Variants in TMEM117 observed in about 807,000 individuals in gnomAD.
The protein encoded by TMEM117 is transmembrane protein 117.
In TMEM117, 27 loss-of-function variants were observed where a neutral mutation model predicts 52.4. That is an observed-to-expected ratio of 0.51 (90% CI 0.38 to 0.71). The LOEUF is 0.71. TMEM117 is among the 30% of genes least tolerant of loss of function. The pLI is 0.00. For missense variants in TMEM117, 556 were observed against 630.5 expected (o/e 0.88, Z 1.26); for synonymous variants, 215 against 206.3 (o/e 1.04, Z -0.36).
At chr12:43,809,859 A>G in the TMEM117 span, among the ~76,000 whole-genome samples, 2 of 152,214 alleles carry the variant, frequency 1.3e-5, no homozygotes, top group Non-Finnish European at 2.9e-5. Flanking sequence ...CACAATAAAC[A>G]CCTGACAAGA....
chr12:43,806,169 TC>T, the TMEM117 span: 1 of 1,536,680 alleles, frequency 6.5e-7, no homozygotes. Flanking sequence ...CTCCCGGCTC[TC>T]CCGGCTCTCC....
downstream of TMEM117, among the ~76,000 whole-genome samples, chr12:44,392,536 A>T (rs1158820487): frequency 6.6e-6 from 1 of 151,864 alleles, no homozygotes; most frequent in Non-Finnish European, 1.5e-5. Context: ...TTTTATTATT[A>T]TTATACTTTA....
At chr12:44,081,198 A>G (rs1947476532) in intron 3 of TMEM117, among the ~76,000 whole-genome samples, 4 of 152,230 alleles carry the variant, frequency 2.6e-5, no homozygotes, top group African/African-American at 9.6e-5. Flanking sequence ...TATTGGTACT[A>G]AAAGAATAAT....
At chr12:44,256,454 C>T (rs553330997) in intron 5 of TMEM117, among the ~76,000 whole-genome samples, 34 of 152,094 alleles carry the variant, frequency 2.2e-4, no homozygotes, top group African/African-American at 7.2e-4. Context: ...TTTCAGGTTT[C>T]ATCTCATTAT....
chr12:43,895,017 A>G (rs998583521), intron 2 of TMEM117, among the ~76,000 whole-genome samples: 1 of 152,142 alleles, frequency 6.6e-6, no homozygotes, highest in Non-Finnish European at 1.5e-5. Flanking sequence ...TTTTAAGTTC[A>G]GGGCTATAAG....
intron 3 of TMEM117, among the ~76,000 whole-genome samples, chr12:44,056,834 C>A (rs1252917395): frequency 6.6e-6 from 1 of 152,026 alleles, no homozygotes; most frequent in Non-Finnish European, 1.5e-5. Flanking sequence ...ATATATTAAC[C>A]TTATGGGACA....
chr12:44,299,167 G>C (rs182965323), intron 5 of TMEM117, among the ~76,000 whole-genome samples: 1 of 132,572 alleles, frequency 7.5e-6, no homozygotes, highest in African/African-American at 2.9e-5. Flanking sequence ...GTCTCGCTCT[G>C]TCACCCAGGC....
At position 44,255,360 on chromosome 12, in the gene TMEM117, A is replaced by C. The variant is rs12316117; in HGVS notation, c.608+43973A>C. 8.4e-3 allele frequency among the ~76,000 whole-genome samples: 1,277 copies of C among 152,284 alleles called. 22 individuals are homozygous for C. The highest frequency in any genetic ancestry group is 0.029 in the African/African-American group (1,190 of 41,566). ...ACTTCTCAAAAGAAGACATTTATGC[A>C]GCCAAAAAACACATGAAAAAATGCT... On this transcript the variant is annotated intron_variant, in intron 5 of 7. Coordinates refer to ENST00000266534, the MANE Select transcript of TMEM117 (RefSeq NM_032256.3).
intron 5 of TMEM117, among the ~76,000 whole-genome samples, chr12:44,212,917 GA>G (rs1211302581): frequency 1.3e-5 from 2 of 151,830 alleles, no homozygotes; most frequent in African/African-American, 4.8e-5. Flanking sequence ...GGAGATATAG[GA>G]CATGTTGAAC....
intron 5 of TMEM117, among the ~76,000 whole-genome samples, chr12:44,216,403 C>T (rs1002640236): frequency 2.6e-5 from 4 of 152,056 alleles, no homozygotes; most frequent in Non-Finnish European, 5.9e-5. Context: ...AAACAAGCAT[C>T]CTTGATAACA....
chr12:44,398,189 C>T, the TMEM117 span, among the ~76,000 whole-genome samples: 1 of 150,722 alleles, frequency 6.6e-6, no homozygotes, highest in Admixed American at 6.7e-5. Context: ...TTGAAGAAAA[C>T]AGGAGCAAGA....
At chr12:44,187,873 T>G (rs1481037028) in intron 4 of TMEM117, among the ~76,000 whole-genome samples, 1 of 152,138 alleles carries the variant, frequency 6.6e-6, no homozygotes, top group East Asian at 1.9e-4. Context: ...TACTTACCAT[T>G]GATCTATCTA....
intron 3 of TMEM117, among the ~76,000 whole-genome samples, chr12:44,005,549 C>T (rs1361541052): frequency 6.6e-6 from 1 of 152,220 alleles, no homozygotes. Flanking sequence ...TCTGACACTT[C>T]AGGATGTTTC....
At chr12:44,261,280 C>T (rs1227630217) in intron 5 of TMEM117, among the ~76,000 whole-genome samples, 3 of 151,512 alleles carry the variant, frequency 2.0e-5, no homozygotes, top group Non-Finnish European at 2.9e-5. Context: ...AGGTAAATAG[C>T]TTGCTTTTAT....
intron 6 of TMEM117, among the ~76,000 whole-genome samples, chr12:44,311,855 A>G (rs1306966289): frequency 8.2e-6 from 1 of 121,630 alleles, no homozygotes; most frequent in African/African-American, 4.4e-5. Flanking sequence ...ATATGTATAT[A>G]TGTATATATA....
chr12:43,888,649 G>A (rs948797563), intron 2 of TMEM117, among the ~76,000 whole-genome samples: 3 of 145,728 alleles, frequency 2.1e-5, no homozygotes, highest in Non-Finnish European at 3.0e-5. Flanking sequence ...TCGGGTTCAC[G>A]CCATTCTCCT....
At chr12:44,394,836 T>C in the TMEM117 span, among the ~76,000 whole-genome samples, 1 of 152,152 alleles carries the variant, frequency 6.6e-6, no homozygotes, top group Non-Finnish European at 1.5e-5. Flanking sequence ...CACTTCTGAA[T>C]TGGGATGTCA....
chr12:44,217,908 T>C (rs1256530730), intron 5 of TMEM117, among the ~76,000 whole-genome samples: 2 of 151,998 alleles, frequency 1.3e-5, no homozygotes, highest in Admixed American at 1.3e-4. Context: ...ATGAACAGAG[T>C]TGCAACAATT....
chr12:44,095,757 G>C (rs1947748400), intron 3 of TMEM117, among the ~76,000 whole-genome samples: 1 of 151,952 alleles, frequency 6.6e-6, no homozygotes. Context: ...ATACCAGTTA[G>C]AAATACTGAA....
Sources: allele counts gnomAD v4.1 joint callset (sites outside exome capture counted in the v4.1 genomes callset), GRCh38; gene constraint gnomAD v4.1.1; transcripts MANE v1.5; gene names NCBI Gene and HGNC (gene_info 2026-07-23, HGNC 2026-07-21).